Variants in UBE4A observed in about 807,000 individuals in gnomAD.
UBE4A encodes the protein ubiquitin conjugation factor E4 A.
Under a neutral mutation model 117.9 loss-of-function variants are expected in UBE4A, and 48 were observed. The observed-to-expected ratio is 0.41, with a 90% CI of 0.32 to 0.52. The LOEUF is 0.52. Ranked by LOEUF, UBE4A falls within the 20% of genes least tolerant of loss-of-function variation. The pLI is 0.33. For synonymous variants in UBE4A, 407 were observed against 450.0 expected (o/e 0.90, Z 1.21); for missense variants, 1,067 against 1,296.3 (o/e 0.82, Z 2.72).
chr11:118,370,726 G>A (rs761759093), intron 4 of UBE4A, among the ~76,000 whole-genome samples: 3 of 152,278 alleles, frequency 2.0e-5, no homozygotes, highest in Admixed American at 2.0e-4. Flanking sequence ...TTGGCCTCTG[G>A]TGAGGGCTTT....
intron 13 of UBE4A, 43 bp from the exon 14 acceptor site, chr11:118,384,592 A>G: frequency 6.4e-7 from 1 of 1,556,802 alleles, no homozygotes; most frequent in Non-Finnish European, 8.9e-7. Context: ...TCTTCCTCTT[A>G]TGGCACCGCC....
chr11:118,364,323 C>T (rs555824455), intron 1 of UBE4A, among the ~76,000 whole-genome samples: 57 of 152,078 alleles, frequency 3.7e-4, no homozygotes, highest in African/African-American at 1.3e-3. Flanking sequence ...CGTTGGAATT[C>T]GTGTTTCTTC....
At chr11:118,391,265 G>C (rs977179459) in intron 18 of UBE4A, among the ~76,000 whole-genome samples, 1 of 152,254 alleles carries the variant, frequency 6.6e-6, no homozygotes, top group East Asian at 1.9e-4. Context: ...AGGGTGGGCA[G>C]ATCACTTGAG....
At position 118,397,157 on chromosome 11, in the gene UBE4A, T is replaced by G. The variant is rs968560699; in HGVS notation, c.*717T>G. The G allele has an allele frequency of 1.3e-5, 2 of 152,164 alleles. No homozygotes were observed. The highest frequency in any genetic ancestry group is 4.8e-5 in the African/African-American group (2 of 41,436). 9.4% of individuals were successfully genotyped at this position (152,164 alleles called of 1,614,324 possible). Reference sequence around the variant, plus strand: ...TGAGGAGACTGTTGGGCCCTTATTCTCTTATGAAAATCTGTTTCTACAAGG... The same window carrying G: ...TGAGGAGACTGTTGGGCCCTTATTCGCTTATGAAAATCTGTTTCTACAAGG... On this transcript the variant is annotated 3_prime_UTR_variant, in exon 20 of 20. Transcript: ENST00000252108.
chr11:118,369,856 G>C (rs1948595069), intron 4 of UBE4A, among the ~76,000 whole-genome samples: 1 of 152,042 alleles, frequency 6.6e-6, no homozygotes. Flanking sequence ...CACTTTGGGA[G>C]GCTGAGGCAG....
Position 118,365,119 on chromosome 11 carries a change from C to T in UBE4A, c.39C>T (p.Asn13=). The change falls in exon 2 of 20, where the codon AAC becomes AAT. Residue 13 remains asparagine (N), a synonymous_variant. Coordinates refer to ENST00000252108, the MANE Select transcript of UBE4A (RefSeq NM_001204077.2). ...AGAATAACAACAACATCTCAAGTAA[C>T]CCCTTTGCTGCTCTTTTTGGCTCCC... The part of the protein sequence containing the change: ...DQENNNNISS[N]PFAALFGSLA... 1.2e-6 allele frequency: 2 copies of T among 1,614,046 alleles called. No homozygotes were observed. Among genetic ancestry groups the T allele is most frequent in the Non-Finnish European group, 1.7e-6 (2 of 1,179,972 alleles).
chr11:118,393,913 G>T (rs1555129091), intron 19 of UBE4A, among the ~76,000 whole-genome samples: 12 of 151,802 alleles, frequency 7.9e-5, no homozygotes, highest in Non-Finnish European at 1.6e-4. Context: ...TCTAATTCAG[G>T]TTTTACACTA....
rs377727078 is a variant in UBE4A at position 118,373,681 on chromosome 11, A to G, written c.1112A>G (p.His371Arg). 2 of 1,613,414 alleles carry G rather than the reference A, an allele frequency of 1.2e-6. No individual in the cohort carries two copies. Among genetic ancestry groups the G allele is most frequent in the South Asian group, 1.1e-5 (1 of 90,980 alleles). ...ATCAAAGTACAGGAGGCCAACATCC[A>G]TCAGGTGGAACTGTTTACCAGGGTA... The part of the protein sequence containing the change: ...QEIKVQEANI[H>R]QFMAQFHEKI... The change falls in exon 8 of 20, where the codon CAT becomes CGT. Residue 371 changes from histidine to arginine, a missense_variant. Physicochemically the swap from His to Arg is conservative, Grantham distance 29. Coordinates refer to ENST00000252108, the MANE Select transcript of UBE4A (RefSeq NM_001204077.2).
chr11:118,377,790 G>A (rs1237259221), intron 10 of UBE4A, among the ~76,000 whole-genome samples: 1 of 151,364 alleles, frequency 6.6e-6, no homozygotes, highest in African/African-American at 2.4e-5. Context: ...GCGTGTGCCT[G>A]TAGTGTCAGC....
chr11:118,396,275 A>T, intron 19 of UBE4A, 39 bp from the exon 20 acceptor site: 1 of 1,588,658 alleles, frequency 6.3e-7, no homozygotes, highest in Non-Finnish European at 8.5e-7. Context: ...GTTAGAACTT[A>T]TGGAAATAAC....
chr11:118,365,593 A>G (rs1299197219), intron 2 of UBE4A, among the ~76,000 whole-genome samples: 3 of 152,212 alleles, frequency 2.0e-5, no homozygotes, highest in East Asian at 1.9e-4. Flanking sequence ...AAAGCAAGTC[A>G]TGTGCAGCTA....
chr11:118,373,743 A>G lies in UBE4A; in HGVS notation c.1116+58A>G, dbSNP rs1300224468. 1.9e-6 allele frequency: 3 copies of G among 1,549,070 alleles called. No individual in the cohort carries two copies. In the African/African-American group the frequency reaches 4.1e-5, roughly 21 times the overall value. ...TGATCTTAAAAGAGTTTTCTCAGAAAGCAGATACAGATAAGGCTGCTCAAG... is the reference window on the plus strand; with the variant it reads ...TGATCTTAAAAGAGTTTTCTCAGAAGGCAGATACAGATAAGGCTGCTCAAG... On this transcript the variant is annotated intron_variant, in intron 8 of 19. Coordinates refer to ENST00000252108, the MANE Select transcript of UBE4A (RefSeq NM_001204077.2).
intron 7 of UBE4A, 79 bp downstream of exon 7, chr11:118,373,367 ATAC>A (rs1948625214): frequency 6.5e-7 from 1 of 1,539,790 alleles, no homozygotes; most frequent in Non-Finnish European, 8.8e-7. Flanking sequence ...AGACACTATA[ATAC>A]TACCTATAAA....
intron 5 of UBE4A, among the ~76,000 whole-genome samples, chr11:118,372,004 A>T (rs766383751): frequency 2.0e-5 from 3 of 152,200 alleles, no homozygotes; most frequent in Non-Finnish European, 2.9e-5. Flanking sequence ...TCACTCCTGT[A>T]ATCCCAGCAC....
chr11:118,379,387 TG>T (rs1555125871), intron 10 of UBE4A, 58 bp from the exon 11 acceptor site: 7 of 1,516,888 alleles, frequency 4.6e-6, no homozygotes, highest in Non-Finnish European at 6.3e-6. Flanking sequence ...ATTGAGGATT[TG>T]TTTTTTTGTG....
At position 118,396,547 on chromosome 11, in the gene UBE4A, C is replaced by CTTTTTTTTTTTTTT. The variant is rs5795126; in HGVS notation, c.*112_*125dup. 1.1e-5 allele frequency: 9 copies of CTTTTTTTTTTTTTT among 817,846 alleles called. No homozygotes were observed. The highest frequency in any genetic ancestry group is 2.3e-5 in the South Asian group (1 of 43,930). 50.7% of individuals were successfully genotyped at this position (817,846 alleles called of 1,614,324 possible). ...TCCTTTTCTTTCTTCTTTTCTTTTT[C>CTTTTTTTTTTTTTT]TTTTTTTTTTTTTTTTTTACTAAAT... On this transcript the variant is annotated 3_prime_UTR_variant, in exon 20 of 20. Coordinates refer to ENST00000252108, the MANE Select transcript of UBE4A (RefSeq NM_001204077.2).
intron 7 of UBE4A, 32 bp downstream of exon 7, chr11:118,373,320 A>G (rs112180286): frequency 1.4e-5 from 23 of 1,604,290 alleles, no homozygotes; most frequent in Non-Finnish European, 2.0e-5. Flanking sequence ...TATTCAGTTG[A>G]GCTAGATGTG....
intron 5 of UBE4A, 42 bp from the exon 6 acceptor site, chr11:118,372,465 A>T (rs1307552989): frequency 6.4e-7 from 1 of 1,566,994 alleles, no homozygotes; most frequent in African/African-American, 1.4e-5. Flanking sequence ...GTTCCAGATT[A>T]CAGAGTTAGA....
At chr11:118,393,758 G>T (rs1271199976) in intron 19 of UBE4A, among the ~76,000 whole-genome samples, 2 of 151,594 alleles carry the variant, frequency 1.3e-5, no homozygotes, top group East Asian at 3.9e-4. Context: ...ACCACATCTG[G>T]CTAATTTTTG....
Sources: allele counts gnomAD v4.1 joint callset (sites outside exome capture counted in the v4.1 genomes callset), GRCh38; gene constraint gnomAD v4.1.1; transcripts MANE v1.5; gene names NCBI Gene and HGNC (gene_info 2026-07-23, HGNC 2026-07-21).